Variants in SDK1 observed in about 807,000 individuals in gnomAD.
SDK1 encodes protein sidekick-1.
In SDK1, 157 loss-of-function variants were observed where a neutral mutation model predicts 245.5. The ratio of observed to expected loss-of-function variants is 0.64; its 90% CI spans 0.56 to 0.73. The LOEUF is 0.73. Among genes scored for constraint, SDK1 ranks in the 30% least tolerant of loss-of-function variants. SDK1 has a pLI of 0.00. For missense variants in SDK1, 3,583 were observed against 3,002.3 expected (o/e 1.19, Z -4.52); for synonymous variants, 1,647 against 1,278.5 (o/e 1.29, Z -6.15).
At position 3,495,744 on chromosome 7, in the gene SDK1, C is replaced by T. The variant is rs528381752; in HGVS notation, c.299-123336C>T. Among the ~76,000 whole-genome samples, 113 of 152,348 alleles carry T rather than the reference C, an allele frequency of 7.4e-4. 1 individual carries two copies. Among genetic ancestry groups the T allele is most frequent in the Non-Finnish European group, 1.3e-3 (89 of 68,028 alleles). On this transcript the variant is annotated intron_variant, in intron 1 of 44. Coordinates refer to ENST00000404826, the MANE Select transcript of SDK1 (RefSeq NM_152744.4). Reference sequence around the variant, plus strand: ...CCTGCCCTCTCCACATGCCACGAGGCGAGACAGCAAGTGCTCCTTTGTCCT... The same window carrying T: ...CCTGCCCTCTCCACATGCCACGAGGTGAGACAGCAAGTGCTCCTTTGTCCT...
At chr7:4,051,141 ATG>A (rs1316636583) in intron 18 of SDK1, among the ~76,000 whole-genome samples, 2 of 140,096 alleles carry the variant, frequency 1.4e-5, no homozygotes, top group African/African-American at 2.6e-5. Context: ...TATATAATAT[ATG>A]TATAATATAT....
chr7:4,215,166 T>C (rs684995), intron 38 of SDK1, among the ~76,000 whole-genome samples: 143,848 of 152,320 alleles, frequency 0.94, 68,011 homozygotes, highest in East Asian at 1. Context: ...CCCACATACG[T>C]CAAAAGAAGA....
chr7:3,904,058 C>G (rs573057185), intron 5 of SDK1, among the ~76,000 whole-genome samples: 1 of 152,158 alleles, frequency 6.6e-6, no homozygotes, highest in East Asian at 1.9e-4. Context: ...TGTGAGCCAA[C>G]TACACCTCTT....
At position 4,268,831 on chromosome 7, in the gene SDK1, G is replaced by A. The variant is rs149201276; in HGVS notation, c.*3447G>A. 1,533 of 1,064,726 alleles carry A rather than the reference G, an allele frequency of 1.4e-3. 17 individuals are homozygous for A. In the African/African-American group the frequency reaches 0.022, roughly 15 times the overall value. 66.0% of individuals were successfully genotyped at this position (1,064,726 alleles called of 1,614,324 possible). A position where few individuals can be genotyped will look rare whatever the true frequency, so the allele number is the denominator to read the frequency against. On this transcript the variant is annotated 3_prime_UTR_variant, in exon 45 of 45. Transcript: ENST00000404826. ...CCGCTGGGACACGTCTCCTTCCCGC[G>A]TCACCTTCTGGTTTAGGGAGCCGTC...
At chr7:3,321,326 G>A (rs1470558898) in intron 1 of SDK1, among the ~76,000 whole-genome samples, 1 of 152,110 alleles carries the variant, frequency 6.6e-6, no homozygotes, top group East Asian at 1.9e-4. Flanking sequence ...AGCACATAAC[G>A]TTTCTTAAAG....
chr7:3,554,064 C>T (rs1197375245), intron 1 of SDK1, among the ~76,000 whole-genome samples: 2 of 152,184 alleles, frequency 1.3e-5, no homozygotes, highest in African/African-American at 4.8e-5. Context: ...GACAGGAAAT[C>T]AGCAAGGATG....
chr7:3,763,287 T>TGTA (rs1343603989), intron 4 of SDK1, among the ~76,000 whole-genome samples: 2 of 152,214 alleles, frequency 1.3e-5, no homozygotes, highest in African/African-American at 4.8e-5. Flanking sequence ...ATAACTTACA[T>TGTA]GTAGCAAAAT....
In SDK1 at chr7:3,368,461, T is replaced by A. The variant is rs1052897552; in HGVS notation, c.298+66577T>A. Among the ~76,000 whole-genome samples, 2 of 152,208 alleles carry A rather than the reference T, an allele frequency of 1.3e-5. 1 individual carries two copies. Among genetic ancestry groups the A allele is most frequent in the Admixed American group, 1.3e-4 (2 of 15,292 alleles). On this transcript the variant is annotated intron_variant, in intron 1 of 44. Transcript: ENST00000404826. ...TGGTATTTCCATCCAATTTTCATGG[T>A]TTTGAAGCAGAGCAATCAGTATGGA...
In SDK1 at chr7:3,968,890, A is replaced by G. The variant is rs186399718; in HGVS notation, c.1547-367A>G. The stretch of plus-strand genomic sequence containing the variant: ...GCAATTTACAAAGAAAAGAGGTTGA[A>G]TTGACTCACAGTTCTGCATAGCTGG... On this transcript the variant is annotated intron_variant, in intron 10 of 44. Coordinates refer to ENST00000404826, the MANE Select transcript of SDK1 (RefSeq NM_152744.4). 2.5e-3 allele frequency among the ~76,000 whole-genome samples: 383 copies of G among 152,368 alleles called. 3 individuals are homozygous for G. The highest frequency in any genetic ancestry group is 8.8e-3 in the African/African-American group (368 of 41,592).
At chr7:3,732,756 G>A (rs1211909998) in intron 4 of SDK1, among the ~76,000 whole-genome samples, 1 of 152,192 alleles carries the variant, frequency 6.6e-6, no homozygotes, top group African/African-American at 2.4e-5. Flanking sequence ...AATTCAAGAT[G>A]CCATAGCAGC....
chr7:3,531,148 C>T (rs757914452), intron 1 of SDK1, among the ~76,000 whole-genome samples: 35 of 152,152 alleles, frequency 2.3e-4, no homozygotes, highest in African/African-American at 3.9e-4. Flanking sequence ...GATTGTCACA[C>T]CAGAATACCA....
intron 14 of SDK1, among the ~76,000 whole-genome samples, chr7:4,009,110 G>A (rs1371380668): frequency 6.6e-6 from 1 of 152,196 alleles, no homozygotes; most frequent in Non-Finnish European, 1.5e-5. Flanking sequence ...CCACCCTAGT[G>A]GGTATTAGAT....
chr7:3,695,260 G>C (rs1383358271), intron 4 of SDK1, among the ~76,000 whole-genome samples: 1 of 152,180 alleles, frequency 6.6e-6, no homozygotes, highest in Non-Finnish European at 1.5e-5. Context: ...ACACTTGCAG[G>C]AGGATAGGAA....
At chr7:4,213,556 G>T (rs1339359905) in intron 38 of SDK1, among the ~76,000 whole-genome samples, 1 of 151,872 alleles carries the variant, frequency 6.6e-6, no homozygotes, top group African/African-American at 2.4e-5. Flanking sequence ...CTGCACTCCA[G>T]CCTGGTGACA....
At chr7:3,943,480 T>G (rs537479442) in intron 5 of SDK1, among the ~76,000 whole-genome samples, 5 of 149,070 alleles carry the variant, frequency 3.4e-5, no homozygotes, top group African/African-American at 1.2e-4. Context: ...CCCAGCTGCC[T>G]ACAGGGCTGC....
intron 4 of SDK1, among the ~76,000 whole-genome samples, chr7:3,657,741 C>T (rs1783233295): frequency 6.6e-6 from 1 of 152,170 alleles, no homozygotes; most frequent in Non-Finnish European, 1.5e-5. Context: ...GATGTGGAGG[C>T]ACGTATGTTT....
intron 1 of SDK1, among the ~76,000 whole-genome samples, chr7:3,564,193 TAAAG>T (rs1395015545): frequency 6.0e-5 from 9 of 150,962 alleles, no homozygotes; most frequent in African/African-American, 2.2e-4. Context: ...GATAGAAAAA[TAAAG>T]GTAAGTACAG....
At chr7:3,575,678 G>A (rs558557644) in intron 1 of SDK1, among the ~76,000 whole-genome samples, 1 of 152,048 alleles carries the variant, frequency 6.6e-6, no homozygotes, top group South Asian at 2.1e-4. Flanking sequence ...GATGTGTTTA[G>A]AGAAGGTTTG....
intron 2 of SDK1, among the ~76,000 whole-genome samples, chr7:3,620,424 T>C (rs1032767952): frequency 6.6e-6 from 1 of 152,052 alleles, no homozygotes; most frequent in Non-Finnish European, 1.5e-5. Flanking sequence ...TGCCTCAGCC[T>C]CCCAAGTAGC....
Sources: gnomAD v4.1 joint callset for allele counts (sites outside exome capture counted in the v4.1 genomes callset) on GRCh38, gnomAD v4.1.1 for gene constraint, MANE v1.5 for transcripts, NCBI Gene and HGNC (gene_info 2026-07-23, HGNC 2026-07-21) for gene names.